NUCKS1: variants seen among roughly 807,000 people sequenced by gnomAD.
The protein encoded by NUCKS1 is nuclear ubiquitous casein and cyclin-dependent kinase substrate 1.
In NUCKS1, 2 loss-of-function variants were observed where a neutral mutation model predicts 33.0. The ratio of observed to expected loss-of-function variants is 0.06; its 90% CI spans 0.02 to 0.19. The LOEUF is 0.19. Ranked by LOEUF, NUCKS1 falls within the 10% of genes least tolerant of loss-of-function variation. The probability of loss-of-function intolerance (pLI) is 1.00; values close to 1 mark genes in which losing one functional copy is unlikely to be tolerated. For synonymous variants in NUCKS1, 106 were observed against 102.8 expected (o/e 1.03, Z -0.19); for missense variants, 201 against 293.6 (o/e 0.68, Z 2.31).
chr1:205,749,312 C>G (rs927276928), intron 1 of NUCKS1, among the ~76,000 whole-genome samples: 13 of 152,230 alleles, frequency 8.5e-5, no homozygotes, highest in African/African-American at 3.1e-4. Flanking sequence ...AGGATCCAGT[C>G]CCGAACTCTC....
In NUCKS1 at chr1:205,750,151, G is replaced by GT. The variant is rs1558059346; in HGVS notation, c.-179_-178insA. The GT allele has an allele frequency of 4.7e-6, 3 of 641,200 alleles. No homozygotes were observed. In the African/African-American group the frequency reaches 5.5e-5, roughly 12 times the overall value. The allele number at this position is 641,200 out of a possible 1,614,324, so 39.7% of individuals were successfully genotyped here. A position where few individuals can be genotyped will look rare whatever the true frequency, so the allele number is the denominator to read the frequency against. On this transcript the variant is annotated 5_prime_UTR_variant, in exon 1 of 7. Transcript: ENST00000367142. ...GGTTCAGGGCTCCTGGAACAGACGA[G>GT]CCCCCCGCTCCCCCGTCTCTTCAAA...
At position 205,718,296 on chromosome 1, in the gene NUCKS1, G is replaced by A; in HGVS notation, c.716C>T (p.Pro239Leu). 1 of 1,611,420 alleles carries A rather than the reference G, an allele frequency of 6.2e-7. No individual in the cohort carries two copies. The highest frequency in any genetic ancestry group is 8.5e-7 in the Non-Finnish European group (1 of 1,179,566). Residue 239 changes from proline (P) to leucine (L), a missense_variant, in exon 7 of 7, where the codon CCT becomes CTT. Physicochemically the swap from Pro to Leu is moderately conservative, Grantham distance 98. Coordinates refer to ENST00000367142, the MANE Select transcript of NUCKS1 (RefSeq NM_022731.5). The stretch of plus-strand genomic sequence containing the variant: ...TCATCACTTTTAATCCTCCCCAGAA[G>A]GGGCTTCATCTTCAGACCCTTCATC... ...SGDEGSEDEA[P>L]SGED
chr1:205,719,830 C>A (rs898798908), intron 5 of NUCKS1, 154 bp from the exon 6 acceptor site: 1 of 668,454 alleles, frequency 1.5e-6, no homozygotes, highest in African/African-American at 1.8e-5. Context: ...TGACTGGAGT[C>A]ATCACTGGCC....
intron 3 of NUCKS1, 28 bp downstream of exon 3, chr1:205,727,672 G>C (rs1470129368): frequency 2.1e-6 from 3 of 1,425,064 alleles, no homozygotes; most frequent in Admixed American, 3.3e-5. Context: ...AACAGTGTAA[G>C]CAGGAACAGA....
chr1:205,741,283 G>C (rs1472654606), intron 1 of NUCKS1, among the ~76,000 whole-genome samples: 5 of 111,158 alleles, frequency 4.5e-5, no homozygotes, highest in Non-Finnish European at 8.4e-5. Context: ...CTGGGCGACA[G>C]AGCGAGACTG....
At chr1:205,739,629 A>AT (rs1390318659) in intron 1 of NUCKS1, among the ~76,000 whole-genome samples, 1 of 151,814 alleles carries the variant, frequency 6.6e-6, no homozygotes, top group Non-Finnish European at 1.5e-5. Flanking sequence ...GCACTGGCTA[A>AT]TTTTTTTGTA....
In NUCKS1 at chr1:205,714,802, GC is replaced by G. The variant is rs1479151995; in HGVS notation, c.*3477del. The G allele has an allele frequency of 6.6e-6, 1 of 152,160 alleles. No homozygotes were observed. The highest frequency in any genetic ancestry group is 1.9e-4 in the East Asian group (1 of 5,206). 9.4% of individuals were successfully genotyped at this position (152,160 alleles called of 1,614,324 possible). A position where few individuals can be genotyped will look rare whatever the true frequency, so the allele number is the denominator to read the frequency against. ...CAGTCTAAATGCCATGAAGACCAGAGCCCAGGTTTCTTCCTTTTCAAATTCT... is the reference window on the plus strand; with the variant it reads ...CAGTCTAAATGCCATGAAGACCAGAGCCAGGTTTCTTCCTTTTCAAATTCT... On this transcript the variant is annotated 3_prime_UTR_variant, in exon 7 of 7. Coordinates refer to ENST00000367142, the MANE Select transcript of NUCKS1 (RefSeq NM_022731.5).
rs778681707 is a variant in NUCKS1 at position 205,717,616 on chromosome 1, C to A, written c.*664G>T. 1.0e-6 allele frequency: 1 copy of A among 984,966 alleles called. No homozygotes were observed. The highest frequency in any genetic ancestry group is 1.1e-4 in the East Asian group (1 of 8,790). 61.0% of individuals were successfully genotyped at this position (984,966 alleles called of 1,614,324 possible). A position where few individuals can be genotyped will look rare whatever the true frequency, so the allele number is the denominator to read the frequency against. ...GAAAGCCCATACCCTCAAATAAGGTCAGGTAACCCCATTGCCCACCCTCCC... is the reference window on the plus strand; with the variant it reads ...GAAAGCCCATACCCTCAAATAAGGTAAGGTAACCCCATTGCCCACCCTCCC... On this transcript the variant is annotated 3_prime_UTR_variant, in exon 7 of 7. Coordinates refer to ENST00000367142, the MANE Select transcript of NUCKS1 (RefSeq NM_022731.5).
At chr1:205,726,336 C>T (rs573689647) in intron 3 of NUCKS1, among the ~76,000 whole-genome samples, 2 of 152,198 alleles carry the variant, frequency 1.3e-5, no homozygotes, top group African/African-American at 2.4e-5. Flanking sequence ...GGCAACATGG[C>T]GAGAGCCCAT....
chr1:205,729,492 A>G (rs2102436743), intron 2 of NUCKS1, 80 bp downstream of exon 2: 1 of 973,292 alleles, frequency 1.0e-6, no homozygotes, highest in East Asian at 2.4e-5. Context: ...AACTTATTCC[A>G]AAAGCATAAT....
chr1:205,727,543 G>A (rs1772147), intron 3 of NUCKS1, among the ~76,000 whole-genome samples, 157 bp downstream of exon 3: 133,773 of 152,220 alleles, frequency 0.88, 59,784 homozygotes, highest in Non-Finnish European at 0.97. Flanking sequence ...TTGTATACTC[G>A]AGCACAGCCT....
chr1:205,748,528 C>A (rs1654387513), intron 1 of NUCKS1, among the ~76,000 whole-genome samples: 1 of 152,220 alleles, frequency 6.6e-6, no homozygotes, highest in Non-Finnish European at 1.5e-5. Flanking sequence ...AGACTCCTTG[C>A]CAAAAGGCCA....
chr1:205,726,980 C>T (rs1171963930), intron 3 of NUCKS1, among the ~76,000 whole-genome samples: 2 of 150,404 alleles, frequency 1.3e-5, no homozygotes, highest in Non-Finnish European at 3.0e-5. Flanking sequence ...GTTTTTTTTT[C>T]CCAAGACAGT....
At position 205,728,110 on chromosome 1, in the gene NUCKS1, A is replaced by G. The variant is rs538332964; in HGVS notation, c.68-305T>C. ...ACATCTTCACACTTATTTGAAAATT[A>G]TTGTAATATGGTTATATTACAAACA... On this transcript the variant is annotated intron_variant, in intron 2 of 6. Transcript: ENST00000367142. 2.6e-5 allele frequency among the ~76,000 whole-genome samples: 4 copies of G among 152,302 alleles called. No homozygotes were observed. In the East Asian group the frequency reaches 7.7e-4, roughly 29 times the overall value.
intron 1 of NUCKS1, among the ~76,000 whole-genome samples, chr1:205,742,606 C>T (rs1241696080): frequency 2.0e-5 from 3 of 152,138 alleles, no homozygotes; most frequent in Admixed American, 2.0e-4. Context: ...GGGCGGATCA[C>T]AAGGTCAGGG....
chr1:205,718,263 C>T lies in NUCKS1; in HGVS notation c.*17G>A. ...TTTTTTTTTTTAATAAAATCTCTCC[C>T]CAGACCATCATCACTTTTAATCCTC... is the stretch of plus-strand genomic sequence containing the variant. On this transcript the variant is annotated 3_prime_UTR_variant, in exon 7 of 7. Transcript: ENST00000367142. 1 of 1,592,844 alleles carries T rather than the reference C, an allele frequency of 6.3e-7. No homozygotes were observed. The highest frequency in any genetic ancestry group is 8.5e-7 in the Non-Finnish European group (1 of 1,172,368).
intron 2 of NUCKS1, among the ~76,000 whole-genome samples, chr1:205,728,435 C>T (rs1653828487): frequency 6.6e-6 from 1 of 152,180 alleles, no homozygotes; most frequent in East Asian, 1.9e-4. Flanking sequence ...ATTATATAAC[C>T]ATTGATAGGA....
chr1:205,742,100 T>C (rs1175756107), intron 1 of NUCKS1, among the ~76,000 whole-genome samples: 1 of 152,242 alleles, frequency 6.6e-6, no homozygotes, highest in Non-Finnish European at 1.5e-5. Flanking sequence ...GTGTAAGAGA[T>C]AGCAGCACCG....
At chr1:205,742,190 A>T (rs895089260) in intron 1 of NUCKS1, among the ~76,000 whole-genome samples, 2 of 152,098 alleles carry the variant, frequency 1.3e-5, no homozygotes, top group Admixed American at 1.3e-4. Context: ...GACCTAGAAC[A>T]CTCCAACCAA....
Sources: allele counts gnomAD v4.1 joint callset (sites outside exome capture counted in the v4.1 genomes callset), GRCh38; gene constraint gnomAD v4.1.1; transcripts MANE v1.5; gene names NCBI Gene and HGNC (gene_info 2026-07-23, HGNC 2026-07-21).